Variants in GATA2 observed in about 807,000 individuals in gnomAD.
GATA2 encodes GATA binding protein 2.
GATA2 carries 6 observed loss-of-function variants against 35.7 expected under a neutral mutation model. The ratio of observed to expected loss-of-function variants is 0.17; its 90% CI spans 0.09 to 0.33. GATA2 has a LOEUF of 0.33. Among genes scored for constraint, GATA2 ranks in the 10% least tolerant of loss-of-function variants. The pLI, the probability that GATA2 is intolerant of heterozygous loss-of-function variation, is 1.00. For missense variants in GATA2, 541 were observed against 656.6 expected, an observed-to-expected ratio of 0.82 and a Z score of 1.92; for synonymous variants, 313 against 274.9, an observed-to-expected ratio of 1.14 and a Z score of -1.37.
chr3:128,486,803 C>A lies in GATA2; in HGVS notation c.229G>T (p.Ala77Ser). ...TCATCACCACGGGCCCAGTGCTCACCGTGCGCGGGGCTGTAGGAGACGCGC... is the reference window on the plus strand; with the variant it reads ...TCATCACCACGGGCCCAGTGCTCACAGTGCGCGGGGCTGTAGGAGACGCGC... ...RARVSYSPAH[A>S]RLTGGQMCRP... The change falls in exon 2 of 6, where the codon GCC becomes TCC. Residue 77 changes from alanine to serine, a missense_variant and splice_region_variant. Physicochemically the swap from Ala to Ser is moderately conservative, Grantham distance 99. This residue lies in a region of GATA2 where 389 missense variants were observed against 396.9 expected (regional missense o/e 0.98). Coordinates refer to ENST00000341105, the MANE Select transcript of GATA2 (RefSeq NM_032638.5). 7 of 1,600,112 alleles carry A rather than the reference C, an allele frequency of 4.4e-6. No individual in the cohort carries two copies. In the South Asian group the frequency reaches 7.9e-5, roughly 18 times the overall value.
chr3:128,487,203 T>G (rs1576750266), intron 1 of GATA2, 127 bp from the exon 2 acceptor site: 1 of 603,780 alleles, frequency 1.7e-6, no homozygotes, highest in Non-Finnish European at 2.9e-6. Context: ...CAGTCCCGGG[T>G]GGGAGGAAAG....
At chr3:128,486,703 T>A in intron 2 of GATA2, 100 bp downstream of exon 2, 3 of 1,200,660 alleles carry the variant, frequency 2.5e-6, no homozygotes, top group Non-Finnish European at 2.4e-6. Context: ...GCTCGATTCC[T>A]GCGGATCCTA....
At chr3:128,484,099 C>G in intron 3 of GATA2, 94 bp from the exon 4 acceptor site, 1 of 1,504,066 alleles carries the variant, frequency 6.6e-7, no homozygotes, top group Non-Finnish European at 9.0e-7. Flanking sequence ...CGAGCAGTGC[C>G]GGTGCCTCTC....
chr3:128,481,207 T>C lies in GATA2; in HGVS notation c.1255A>G (p.Lys419Glu). Residue 419 changes from lysine (K) to glutamate (E), a missense_variant, in exon 6 of 6, where the codon AAG (lysine) becomes GAG (glutamate). Lys to Glu is a moderately conservative substitution (Grantham distance 56, BLOSUM62 1). Coordinates refer to ENST00000341105, the MANE Select transcript of GATA2 (RefSeq NM_032638.5). ...KGAECFEELS[K>E]CMQEKSSPFS... ...GGGGATGACTTCTCCTGCATGCACTTTGACAGCTCCTCGAAGCACTCCGCC... is the reference window on the plus strand; with the variant it reads ...GGGGATGACTTCTCCTGCATGCACTCTGACAGCTCCTCGAAGCACTCCGCC... 6.2e-7 allele frequency: 1 copy of C among 1,614,226 alleles called. No homozygotes were observed. The highest frequency in any genetic ancestry group is 8.5e-7 in the Non-Finnish European group (1 of 1,180,038).
In GATA2 at chr3:128,486,083, C is replaced by G. The variant is rs768236530; in HGVS notation, c.515G>C (p.Gly172Ala). The G allele has an allele frequency of 2.5e-6, 4 of 1,613,924 alleles. No homozygotes were observed. The highest frequency in any genetic ancestry group is 3.4e-6 in the Non-Finnish European group (4 of 1,179,970). The change falls in exon 3 of 6, where the codon GGC (glycine) becomes GCC (alanine). Residue 172 changes from glycine to alanine, a missense_variant. Gly to Ala is a moderately conservative substitution (Grantham distance 60). Coordinates refer to ENST00000341105, the MANE Select transcript of GATA2 (RefSeq NM_032638.5). ...TAAHSGSHLF[G>A]FPPTPPKEVS... Reference sequence around the variant, plus strand: ...TTCTTTGGGTGGCGTGGGTGGGAAGCCGAAAAGGTGGGAGCCAGAGTGGGC... The same window carrying G: ...TTCTTTGGGTGGCGTGGGTGGGAAGGCGAAAAGGTGGGAGCCAGAGTGGGC...
chr3:128,481,583 G>A (rs2068628901), intron 5 of GATA2, among the ~76,000 whole-genome samples: 1 of 151,822 alleles, frequency 6.6e-6, no homozygotes, highest in Non-Finnish European at 1.5e-5. Context: ...CCCCCACCCT[G>A]ACCCTTTTTA....
Position 128,480,828 on chromosome 3 carries a change from C to T in GATA2, c.*191G>A, listed in dbSNP as rs1223961939. Reference sequence around the variant, plus strand: ...ACCCCACCTGGGCAGCGGTCAGGTGCGGAGGCAGCCTCTCAGCGGTGGGGA... The same window carrying T: ...ACCCCACCTGGGCAGCGGTCAGGTGTGGAGGCAGCCTCTCAGCGGTGGGGA... On this transcript the variant is annotated 3_prime_UTR_variant, in exon 6 of 6. Transcript: ENST00000341105. 26 of 630,388 alleles carry T rather than the reference C, an allele frequency of 4.1e-5. 2 individuals are homozygous for T. The highest frequency in any genetic ancestry group is 2.6e-4 in the South Asian group (11 of 42,018). The allele number at this position is 630,388 out of a possible 1,614,324, so 39.0% of individuals were successfully genotyped here.
At chr3:128,487,942 G>A (rs942016401) in intron 1 of GATA2, 5 of 152,388 alleles carry the variant, frequency 3.3e-5, no homozygotes, top group Middle Eastern at 3.4e-3. Flanking sequence ...ATGAAGCGGG[G>A]GCCGCGCACG....
Position 128,480,978 on chromosome 3 carries a change from C to A in GATA2, c.*41G>T. 1 of 1,502,144 alleles carries A rather than the reference C, an allele frequency of 6.7e-7. No individual in the cohort carries two copies. The highest frequency in any genetic ancestry group is 8.9e-7 in the Non-Finnish European group (1 of 1,124,006). The allele number at this position is 1,502,144 out of a possible 1,614,324, so 93.1% of individuals were successfully genotyped here. ...GCTGGGCTGCTAAGGGTTTGGTCCACCCATCCCGGGAGTGCCCGGTCCTCG... is the reference window on the plus strand; with the variant it reads ...GCTGGGCTGCTAAGGGTTTGGTCCAACCATCCCGGGAGTGCCCGGTCCTCG... On this transcript the variant is annotated 3_prime_UTR_variant, in exon 6 of 6. Transcript: ENST00000341105.
At chr3:128,481,790 G>A in intron 5 of GATA2, 29 bp downstream of exon 5, 8 of 1,605,996 alleles carry the variant, frequency 5.0e-6, no homozygotes, top group Non-Finnish European at 6.8e-6. Context: ...CCTGGGAGGG[G>A]CGGGGTGGCC....
intron 3 of GATA2, 120 bp from the exon 4 acceptor site, chr3:128,484,125 C>T: frequency 3.2e-6 from 4 of 1,251,120 alleles, no homozygotes; most frequent in Non-Finnish European, 3.3e-6. Flanking sequence ...CACGGTTGGC[C>T]TGGGCCTGGC....
Position 128,481,861 on chromosome 3 carries a change from G to T in GATA2, c.1101C>A (p.Asp367Glu). The T allele has an allele frequency of 6.2e-7, 1 of 1,614,094 alleles. No individual in the cohort carries two copies. Among genetic ancestry groups the T allele is most frequent in the Non-Finnish European group, 8.5e-7 (1 of 1,180,032 alleles). ...TTLWRRNANG[D>E]PVCNACGLYY... ...AGAGGCCACAGGCGTTGCAGACAGG[G>T]TCCCCGTTGGCGTTTCGGCGCCATA... The change falls in exon 5 of 6, where the codon GAC (aspartate) becomes GAA (glutamate). Residue 367 changes from aspartate to glutamate, a missense_variant. Physicochemically the swap from Asp to Glu is conservative, Grantham distance 45 (BLOSUM62 2). This residue lies in a region of GATA2 where 23 missense variants were observed against 67.2 expected (regional missense o/e 0.34). Coordinates refer to ENST00000341105, the MANE Select transcript of GATA2 (RefSeq NM_032638.5).
Position 128,481,833 on chromosome 3 carries a change from A to G in GATA2, c.1129T>C (p.Tyr377His). ...DPVCNACGLYYKLHNVNRPLT... is the reference protein window; with the variant it reads ...DPVCNACGLYHKLHNVNRPLT... ...GGCGCACTCACATTGTGCAGCTTGT[A>G]GTAGAGGCCACAGGCGTTGCAGACA... is the stretch of plus-strand genomic sequence containing the variant. Residue 377 changes from tyrosine to histidine, a missense_variant, in exon 5 of 6, where the codon TAC becomes CAC. By Grantham distance (83) the Tyr-to-His change is moderately conservative (BLOSUM62 2). This residue lies in a region of GATA2 where 23 missense variants were observed against 67.2 expected (regional missense o/e 0.34). Coordinates refer to ENST00000341105, the MANE Select transcript of GATA2 (RefSeq NM_032638.5). 6.2e-7 allele frequency: 1 copy of G among 1,614,030 alleles called. No homozygotes were observed. The highest frequency in any genetic ancestry group is 8.5e-7 in the Non-Finnish European group (1 of 1,180,030).
rs931493438 is a variant in GATA2 at position 128,479,900 on chromosome 3, T to G, written c.*1119A>C. Reference sequence around the variant, plus strand: ...CTGGTCCTGACCTGCCCCCAACTCCTGCCTTCACCCCCTGCCAGGCCAGCA... The same window carrying G: ...CTGGTCCTGACCTGCCCCCAACTCCGGCCTTCACCCCCTGCCAGGCCAGCA... On this transcript the variant is annotated 3_prime_UTR_variant, in exon 6 of 6. Transcript: ENST00000341105. The G allele has an allele frequency of 8.2e-5, 19 of 232,618 alleles. No individual in the cohort carries two copies. Among genetic ancestry groups the G allele is most frequent in the African/African-American group, 4.2e-4 (19 of 45,352 alleles). 14.4% of individuals were successfully genotyped at this position (232,618 alleles called of 1,614,324 possible). A position where few individuals can be genotyped will look rare whatever the true frequency, so the allele number is the denominator to read the frequency against.
chr3:128,491,359 G>A lies in GATA2; in HGVS notation c.-46+1540C>T, dbSNP rs532083363. Among the ~76,000 whole-genome samples, 28 of 152,264 alleles carry A rather than the reference G, an allele frequency of 1.8e-4. No homozygotes were observed. The East Asian group carries it at 5.4e-3, about 29-fold the overall frequency. On this transcript the variant is annotated intron_variant, in intron 1 of 5. Coordinates refer to ENST00000341105, the MANE Select transcript of GATA2 (RefSeq NM_032638.5). ...GCCCGCGGTGTGGGGCTGGGGGTGG[G>A]GTGTCAAGGAAACCCATTTGCTAAG... is the stretch of plus-strand genomic sequence containing the variant.
At position 128,485,761 on chromosome 3, in the gene GATA2, G is replaced by A; in HGVS notation, c.837C>T (p.Thr279=). Residue 279 remains threonine (T), a synonymous_variant, in exon 3 of 6, where the codon ACC becomes ACT. Transcript: ENST00000341105. ...AACGAGCCTTGCTGCGCTGCTTAGG[G>A]GTGAAGCTGGAGGCCGGTCCCCCCA... ...GFLGGPASSF[T]PKQRSKARSC... 1 of 1,614,026 alleles carries A rather than the reference G, an allele frequency of 6.2e-7. No homozygotes were observed.
At chr3:128,482,389 T>C (rs1365497806) in intron 4 of GATA2, among the ~76,000 whole-genome samples, 4 of 152,062 alleles carry the variant, frequency 2.6e-5, no homozygotes, top group Non-Finnish European at 5.9e-5. Flanking sequence ...TAATCCTGGG[T>C]GAGTCAGTGT....
At chr3:128,484,080 G>T in intron 3 of GATA2, 75 bp from the exon 4 acceptor site, 1 of 1,566,594 alleles carries the variant, frequency 6.4e-7, no homozygotes, top group African/African-American at 1.3e-5. Context: ...GGGCAGGAAA[G>T]CAGCCAGCCG....
At chr3:128,485,194 G>A (rs2068678738) in intron 3 of GATA2, among the ~76,000 whole-genome samples, 2 of 152,228 alleles carry the variant, frequency 1.3e-5, no homozygotes, top group East Asian at 1.9e-4. Flanking sequence ...TTGCTCTGGG[G>A]AAAATCTCCC....
Sources: gnomAD v4.1 joint callset for allele counts (sites outside exome capture counted in the v4.1 genomes callset) on GRCh38, gnomAD v4.1.1 for gene constraint, gnomAD v4.1.1 regional missense constraint, MANE v1.5 for transcripts, NCBI Gene and HGNC (gene_info 2026-07-23, HGNC 2026-07-21) for gene names.